Variants in PLCB1 observed in about 807,000 individuals in gnomAD.
PLCB1 encodes 1-phosphatidylinositol 4,5-bisphosphate phosphodiesterase beta-1.
A neutral mutation model predicts 161.8 loss-of-function variants in PLCB1; 46 were observed. The observed-to-expected ratio is 0.28, with a 90% CI of 0.22 to 0.36. PLCB1 has a LOEUF of 0.36. Ranked by LOEUF, PLCB1 falls within the 10% of genes least tolerant of loss-of-function variation. PLCB1 has a pLI of 1.00. For missense variants in PLCB1, 1,016 were observed against 1,472.5 expected, an observed-to-expected ratio of 0.69 and a Z score of 5.07; for synonymous variants, 517 against 503.7, an observed-to-expected ratio of 1.03 and a Z score of -0.35.
chr20:8,286,521 A>C (rs1380806524), intron 2 of PLCB1, among the ~76,000 whole-genome samples: 1 of 152,136 alleles, frequency 6.6e-6, no homozygotes, highest in Non-Finnish European at 1.5e-5. Flanking sequence ...AAGTATTTGA[A>C]CCAGAAGATA....
intron 31 of PLCB1, among the ~76,000 whole-genome samples, chr20:8,800,142 A>C (rs1020114182): frequency 2.6e-5 from 4 of 152,236 alleles, no homozygotes; most frequent in African/African-American, 4.8e-5. Flanking sequence ...CTATTGCATG[A>C]GGGCAAATGC....
chr20:8,670,013 T>C (rs1334841200), intron 9 of PLCB1, among the ~76,000 whole-genome samples: 1 of 152,172 alleles, frequency 6.6e-6, no homozygotes, highest in Non-Finnish European at 1.5e-5. Context: ...TCTCCTCTCA[T>C]AAAGCACTGT....
At chr20:8,543,932 C>G (rs1189170526) in intron 3 of PLCB1, among the ~76,000 whole-genome samples, 1 of 152,160 alleles carries the variant, frequency 6.6e-6, no homozygotes, top group Non-Finnish European at 1.5e-5. Flanking sequence ...TCAATTAAAC[C>G]TCTTTCCTTT....
intron 27 of PLCB1, among the ~76,000 whole-genome samples, chr20:8,786,651 G>A (rs1484042061): frequency 1.3e-5 from 2 of 151,186 alleles, no homozygotes; most frequent in Non-Finnish European, 2.9e-5. Context: ...ACCGCATAGG[G>A]CAATTCTCAG....
intron 3 of PLCB1, among the ~76,000 whole-genome samples, chr20:8,624,983 G>A (rs943197500): frequency 5.3e-5 from 8 of 152,282 alleles, no homozygotes; most frequent in African/African-American, 1.9e-4. Flanking sequence ...TTCTTAGGAA[G>A]TTGAGTCTAT....
chr20:8,326,946 C>T (rs975014333), intron 2 of PLCB1, among the ~76,000 whole-genome samples: 1 of 152,202 alleles, frequency 6.6e-6, no homozygotes, highest in African/African-American at 2.4e-5. Flanking sequence ...AGTGCTGTGG[C>T]ACAATCATGA....
At chr20:8,854,073 G>C (rs1226710471) in intron 31 of PLCB1, among the ~76,000 whole-genome samples, 1 of 152,126 alleles carries the variant, frequency 6.6e-6, no homozygotes, top group Non-Finnish European at 1.5e-5. Flanking sequence ...AGCTCACAAA[G>C]GCAAAATAAA....
At chr20:8,815,424 G>C (rs1600350413) in intron 31 of PLCB1, among the ~76,000 whole-genome samples, 1 of 152,140 alleles carries the variant, frequency 6.6e-6, no homozygotes, top group Non-Finnish European at 1.5e-5. Flanking sequence ...ATGGGCCATG[G>C]GCAAGTTAAA....
chr20:8,201,142 G>A (rs2052087419), intron 2 of PLCB1, among the ~76,000 whole-genome samples: 1 of 151,894 alleles, frequency 6.6e-6, no homozygotes. Flanking sequence ...TAGAATAATT[G>A]TCTTATTTAT....
chr20:8,193,850 T>C (rs1328054270), intron 2 of PLCB1, among the ~76,000 whole-genome samples: 1 of 152,008 alleles, frequency 6.6e-6, no homozygotes, highest in African/African-American at 2.4e-5. Context: ...TGAGGTATAG[T>C]AAATGCTGTG....
chr20:8,276,974 C>CTTATTATTATTATTA (rs1202925460), intron 2 of PLCB1, among the ~76,000 whole-genome samples: 1 of 100,952 alleles, frequency 9.9e-6, no homozygotes, highest in Non-Finnish European at 2.1e-5. Context: ...TCTTCTTCTT[C>CTTATTATTATTATTA]TTCTTCTTCT....
chr20:8,543,032 G>A (rs1483941286), intron 3 of PLCB1, among the ~76,000 whole-genome samples: 1 of 152,122 alleles, frequency 6.6e-6, no homozygotes, highest in East Asian at 1.9e-4. Context: ...CCTTATGTTG[G>A]TGATAAATGC....
chr20:8,220,106 C>A (rs1034731226), intron 2 of PLCB1, among the ~76,000 whole-genome samples: 2 of 152,174 alleles, frequency 1.3e-5, no homozygotes, highest in Non-Finnish European at 2.9e-5. Context: ...CTAGATTCTA[C>A]TTCCTGATCT....
At chr20:8,546,099 G>A (rs1309677033) in intron 3 of PLCB1, among the ~76,000 whole-genome samples, 3 of 151,952 alleles carry the variant, frequency 2.0e-5, no homozygotes, top group Non-Finnish European at 2.9e-5. Flanking sequence ...GACGGATCAC[G>A]AGGTCAGGAG....
chr20:8,807,196 T>G (rs147428151), intron 31 of PLCB1, among the ~76,000 whole-genome samples: 4 of 152,222 alleles, frequency 2.6e-5, no homozygotes, highest in East Asian at 1.9e-4. Context: ...AGTTATGAGA[T>G]CCAGAGAATT....
intron 17 of PLCB1, among the ~76,000 whole-genome samples, chr20:8,728,656 A>T (rs1336724664): frequency 6.6e-6 from 1 of 152,072 alleles, no homozygotes; most frequent in African/African-American, 2.4e-5. Context: ...GTCCTTAGTC[A>T]TTAAGTCTGT....
At chr20:8,632,306 A>T (rs1988626868) in intron 4 of PLCB1, among the ~76,000 whole-genome samples, 1 of 152,100 alleles carries the variant, frequency 6.6e-6, no homozygotes, top group Non-Finnish European at 1.5e-5. Flanking sequence ...GCCCGTTGAC[A>T]GTTTGGGTAC....
intron 3 of PLCB1, among the ~76,000 whole-genome samples, chr20:8,412,522 A>C (rs1419270795): frequency 3.3e-5 from 5 of 152,242 alleles, no homozygotes; most frequent in Non-Finnish European, 1.5e-5. Flanking sequence ...TTATGCAGTA[A>C]GAGAAGCAGG....
rs997020749 is a variant in PLCB1 at position 8,625,303 on chromosome 20, C to G, written c.247-2991C>G. On this transcript the variant is annotated intron_variant, in intron 3 of 31. Transcript: ENST00000338037. ...CTGAAAGTCTGAAAACAACTGAGGA[C>G]AACTTGAAGGTACAAGTGTCTTTCT... 2.0e-5 allele frequency: 3 copies of G among 152,250 alleles called. No individual in the cohort carries two copies. In the South Asian group the frequency reaches 6.2e-4, roughly 32 times the overall value. 9.4% of individuals were successfully genotyped at this position (152,250 alleles called of 1,614,324 possible).
Sources: allele counts gnomAD v4.1 joint callset (sites outside exome capture counted in the v4.1 genomes callset), GRCh38; gene constraint gnomAD v4.1.1; transcripts MANE v1.5; gene names NCBI Gene and HGNC (gene_info 2026-07-23, HGNC 2026-07-21).